Variants in PRKAR1B observed in about 807,000 individuals in gnomAD.
The protein encoded by PRKAR1B is cAMP-dependent protein kinase type I-beta regulatory subunit.
PRKAR1B carries 22 observed loss-of-function variants against 46.5 expected under a neutral mutation model. The ratio of observed to expected loss-of-function variants is 0.47; its 90% CI spans 0.34 to 0.68. PRKAR1B has a LOEUF of 0.68. Ranked by LOEUF, PRKAR1B falls within the 30% of genes least tolerant of loss-of-function variation. PRKAR1B has a pLI of 0.01. For missense variants in PRKAR1B, 445 were observed against 535.6 expected, an observed-to-expected ratio of 0.83 and a Z score of 1.67; for synonymous variants, 259 against 217.7, an observed-to-expected ratio of 1.19 and a Z score of -1.67.
chr7:725,077 G>T (rs988755243), intron 1 of PRKAR1B, among the ~76,000 whole-genome samples: 3 of 152,094 alleles, frequency 2.0e-5, no homozygotes, highest in Non-Finnish European at 4.4e-5. Flanking sequence ...AGCTGGGCGT[G>T]GTCGTGGGCA....
intron 1 of PRKAR1B, among the ~76,000 whole-genome samples, chr7:718,906 C>G (rs1052123155): frequency 8.2e-6 from 1 of 121,322 alleles, no homozygotes. Flanking sequence ...AGGTCTCGCT[C>G]TGTCATCCAG....
chr7:601,538 G>C (rs1223817127), intron 6 of PRKAR1B, among the ~76,000 whole-genome samples: 1 of 152,186 alleles, frequency 6.6e-6, no homozygotes, highest in Non-Finnish European at 1.5e-5. Context: ...TCACCCACAC[G>C]GGCCCTGCGG....
At position 667,133 on chromosome 7, in the gene PRKAR1B, G is replaced by T. The variant is rs1236317239; in HGVS notation, c.440+10096C>A. Among the ~76,000 whole-genome samples the T allele has an allele frequency of 7.0e-6, 1 of 142,738 alleles. No homozygotes were observed. The highest frequency in any genetic ancestry group is 1.5e-5 in the Non-Finnish European group (1 of 65,722). 93.6% of individuals were successfully genotyped at this position (142,738 alleles called of 152,430 possible). A position where few individuals can be genotyped will look rare whatever the true frequency, so the allele number is the denominator to read the frequency against. Reference sequence around the variant, plus strand: ...TGATGATGGCAATGGTGGTGATGAGGATGGTGGTGGTGATGGTGATGATAA... The same window carrying T: ...TGATGATGGCAATGGTGGTGATGAGTATGGTGGTGGTGATGGTGATGATAA... On this transcript the variant is annotated intron_variant, in intron 4 of 10. Transcript: ENST00000537384. This position sits in a 1 kb window ranked among gnomAD's most constrained non-coding sequence, Gnocchi z 4.3.
At chr7:571,124 C>T (rs1044044005) in intron 9 of PRKAR1B, among the ~76,000 whole-genome samples, 1 of 152,188 alleles carries the variant, frequency 6.6e-6, no homozygotes, top group South Asian at 2.1e-4. Flanking sequence ...AAAAGAGCGA[C>T]AAGTAGGAAC....
Position 596,073 on chromosome 7 carries a change from T to A in PRKAR1B, c.708+73A>T, listed in dbSNP as rs190216877. ...TCTCCAGGTGCATCCCCACCTTGAA[T>A]AGAGCTAGGGTTCCCAGGGACGCCT... On this transcript the variant is annotated intron_variant, in intron 7 of 10. Transcript: ENST00000537384. 3,932 of 1,543,170 alleles carry A rather than the reference T, an allele frequency of 2.5e-3. 10 individuals carry two copies. The highest frequency in any genetic ancestry group is 3.1e-3 in the Non-Finnish European group (3,580 of 1,137,852).
chr7:683,245 G>A (rs897871320), intron 2 of PRKAR1B, among the ~76,000 whole-genome samples: 9 of 152,330 alleles, frequency 5.9e-5, no homozygotes, highest in Admixed American at 1.3e-4. Context: ...CAGACACCAC[G>A]TGAATGCCAA....
intron 4 of PRKAR1B, among the ~76,000 whole-genome samples, chr7:656,187 T>G (rs1226930844): frequency 6.6e-6 from 1 of 151,998 alleles, no homozygotes; most frequent in East Asian, 1.9e-4. Context: ...GAGGGGTGAA[T>G]GAATGAATGG....
At chr7:698,726 G>A (rs562491197) in intron 2 of PRKAR1B, among the ~76,000 whole-genome samples, 149 of 152,066 alleles carry the variant, frequency 9.8e-4, no homozygotes, top group Non-Finnish European at 1.7e-3. Flanking sequence ...GGGTAAGTGC[G>A]TGTGTTTTAA....
At chr7:645,839 G>A (rs1441633993) in intron 4 of PRKAR1B, among the ~76,000 whole-genome samples, 15 of 152,262 alleles carry the variant, frequency 9.9e-5, no homozygotes, top group South Asian at 4.1e-4. Flanking sequence ...AGTACAGGCA[G>A]GTTGCCGTCC....
rs147711307 is a variant in PRKAR1B, at chr7:699,790, G to A, written c.177+11539C>T. Among the ~76,000 whole-genome samples the A allele has an allele frequency of 3.1e-4, 47 of 152,286 alleles. No homozygotes were observed. The East Asian group carries it at 8.7e-3, about 28-fold the overall frequency. ...GGCAAGCAGGAGCCAGACCCCGTGA[G>A]GCAGGAAGGAGCTTAGATTTGTTAG... is the stretch of plus-strand genomic sequence containing the variant. On this transcript the variant is annotated intron_variant, in intron 2 of 10. Transcript: ENST00000537384.
intron 9 of PRKAR1B, among the ~76,000 whole-genome samples, chr7:575,657 C>A (rs572365666): frequency 6.6e-6 from 1 of 152,074 alleles, no homozygotes; most frequent in South Asian, 2.1e-4. Context: ...GCGATCCTCC[C>A]GCCTCCGCCT....
At chr7:568,591 A>T (rs141292850) in intron 9 of PRKAR1B, among the ~76,000 whole-genome samples, 40 of 152,352 alleles carry the variant, frequency 2.6e-4, no homozygotes, top group Admixed American at 5.2e-4. Context: ...ACCACCCCCC[A>T]CAAGGGAGGG....
intron 7 of PRKAR1B, among the ~76,000 whole-genome samples, chr7:591,175 G>C (rs1009291635): frequency 1.3e-5 from 2 of 152,236 alleles, no homozygotes; most frequent in Admixed American, 6.5e-5. Flanking sequence ...AGGGGCCCCC[G>C]GGGGAGGGCC....
chr7:570,514 C>T (rs143592305), intron 9 of PRKAR1B, among the ~76,000 whole-genome samples: 1,572 of 152,210 alleles, frequency 0.01, 10 homozygotes, highest in Non-Finnish European at 0.016. Flanking sequence ...CTTCAATACC[C>T]GTCCCCCCAC....
intron 7 of PRKAR1B, among the ~76,000 whole-genome samples, chr7:592,280 G>C (rs1781020325): frequency 6.6e-6 from 1 of 152,250 alleles, no homozygotes; most frequent in Middle Eastern, 3.2e-3. Context: ...CTAAGCCCCG[G>C]TCGAGGCTCG....
chr7:634,993 G>C (rs558249760), intron 4 of PRKAR1B, among the ~76,000 whole-genome samples: 2 of 152,326 alleles, frequency 1.3e-5, no homozygotes, highest in Non-Finnish European at 2.9e-5. Flanking sequence ...ATAACAGTAT[G>C]CGAATGTAGA....
chr7:670,287 C>T (rs146898212), intron 4 of PRKAR1B, among the ~76,000 whole-genome samples: 5 of 152,324 alleles, frequency 3.3e-5, no homozygotes, highest in African/African-American at 1.2e-4. Context: ...CCTCCCTAGG[C>T]ACCCAGGGAA....
intron 2 of PRKAR1B, among the ~76,000 whole-genome samples, chr7:709,108 T>TAAAAAAA (rs67191707): frequency 1.9e-4 from 13 of 70,242 alleles, no homozygotes; most frequent in African/African-American, 2.4e-4. Context: ...TATTTAATAC[T>TAAAAAAA]AAAAAAAAAA....
intron 4 of PRKAR1B, among the ~76,000 whole-genome samples, chr7:665,181 G>A (rs1301441573): frequency 7.2e-5 from 11 of 152,162 alleles, no homozygotes; most frequent in Admixed American, 7.2e-4. Flanking sequence ...GCTGGAAAAC[G>A]CTAGGCGTGT....
Sources: gnomAD v4.1 joint callset for allele counts (sites outside exome capture counted in the v4.1 genomes callset) on GRCh38, gnomAD v4.1.1 for gene constraint, Gnocchi (gnomAD v3.1) non-coding constraint, MANE v1.5 for transcripts, NCBI Gene and HGNC (gene_info 2026-07-23, HGNC 2026-07-21) for gene names.